Variants in ROBO1 observed in about 807,000 individuals in gnomAD.
ROBO1 encodes roundabout homolog 1.
A neutral mutation model predicts 195.9 loss-of-function variants in ROBO1; 149 were observed. The ratio of observed to expected loss-of-function variants is 0.76; its 90% CI spans 0.67 to 0.87. The LOEUF (loss-of-function observed/expected upper bound fraction) is 0.87, where lower values mean the gene tolerates loss of function less well. Ranked by LOEUF, ROBO1 falls within the 40% of genes least tolerant of loss-of-function variation. ROBO1 has a pLI of 0.00. For missense variants in ROBO1, 1,933 were observed against 2,068.3 expected (o/e 0.93, Z 1.27); for synonymous variants, 816 against 733.2 (o/e 1.11, Z -1.82).
chr3:79,657,207 C>T (rs2106795939), intron 1 of ROBO1, among the ~76,000 whole-genome samples: 1 of 152,184 alleles, frequency 6.6e-6, no homozygotes, highest in East Asian at 1.9e-4. Context: ...GCACTTCCCA[C>T]AGAAAATAAC....
At chr3:78,943,158 G>A (rs1017922332) in intron 3 of ROBO1, among the ~76,000 whole-genome samples, 1 of 151,972 alleles carries the variant, frequency 6.6e-6, no homozygotes, top group Non-Finnish European at 1.5e-5. Flanking sequence ...GGAGCTTACA[G>A]TGAGCCAAGA....
At chr3:79,231,611 G>A (rs2082322672) in intron 2 of ROBO1, among the ~76,000 whole-genome samples, 1 of 152,176 alleles carries the variant, frequency 6.6e-6, no homozygotes. Context: ...TACACTGTTG[G>A]TGGGAATGTA....
intron 4 of ROBO1, among the ~76,000 whole-genome samples, chr3:78,881,454 T>C (rs1398246807): frequency 6.6e-6 from 1 of 152,132 alleles, no homozygotes; most frequent in African/African-American, 2.4e-5. Context: ...AAGAAAACAA[T>C]AAAAATGCCA....
intron 2 of ROBO1, among the ~76,000 whole-genome samples, chr3:79,133,675 C>A (rs1232993811): frequency 3.2e-5 from 3 of 94,446 alleles, no homozygotes; most frequent in African/African-American, 1.3e-4. Flanking sequence ...AAGCCTTCTT[C>A]TCTCAGCTCG....
At chr3:79,482,665 T>C (rs902736523) in intron 2 of ROBO1, among the ~76,000 whole-genome samples, 1 of 152,166 alleles carries the variant, frequency 6.6e-6, no homozygotes, top group Non-Finnish European at 1.5e-5. Context: ...AAGGATCACT[T>C]ATAAAGAATC....
At chr3:78,979,814 TACACACACAAAC>T in intron 3 of ROBO1, among the ~76,000 whole-genome samples, 1 of 150,242 alleles carries the variant, frequency 6.7e-6, no homozygotes, top group East Asian at 2.0e-4. Flanking sequence ...AGAAAATGAA[TACACACACAAAC>T]ACACACACAC....
intron 4 of ROBO1, among the ~76,000 whole-genome samples, chr3:78,934,377 C>T (rs1317437693): frequency 6.6e-6 from 1 of 151,530 alleles, no homozygotes; most frequent in Non-Finnish European, 1.5e-5. Flanking sequence ...TCTTTGAATA[C>T]TGAAAATAAA....
chr3:79,432,373 T>C (rs1407077004), intron 2 of ROBO1, among the ~76,000 whole-genome samples: 1 of 152,118 alleles, frequency 6.6e-6, no homozygotes, highest in Non-Finnish European at 1.5e-5. Flanking sequence ...TGAGACAATT[T>C]GGTTAAAGGG....
chr3:79,683,448 T>C (rs930047268), intron 1 of ROBO1, among the ~76,000 whole-genome samples: 7 of 152,122 alleles, frequency 4.6e-5, no homozygotes, highest in East Asian at 1.9e-4. Context: ...TATTTCAAGA[T>C]ATACCTAACA....
chr3:79,557,358 C>A (rs1942739666), intron 2 of ROBO1, among the ~76,000 whole-genome samples: 1 of 151,980 alleles, frequency 6.6e-6, no homozygotes, highest in East Asian at 1.9e-4. Flanking sequence ...ATTAGTTTGA[C>A]TATCATCTTC....
chr3:79,748,512 T>C (rs1357761243), intron 1 of ROBO1, among the ~76,000 whole-genome samples: 4 of 152,210 alleles, frequency 2.6e-5, no homozygotes, highest in Non-Finnish European at 5.9e-5. Flanking sequence ...AATATTTTTA[T>C]TTGAAATAAG....
chr3:79,163,875 CCT>C (rs1406743449), intron 2 of ROBO1, among the ~76,000 whole-genome samples: 5 of 152,066 alleles, frequency 3.3e-5, no homozygotes, highest in East Asian at 1.9e-4. Context: ...TCCAGCATCC[CCT>C]GATTCTAAAT....
chr3:79,100,031 T>C (rs889519511), intron 3 of ROBO1, among the ~76,000 whole-genome samples: 6 of 151,734 alleles, frequency 4.0e-5, no homozygotes, highest in Non-Finnish European at 7.4e-5. Flanking sequence ...AGAAATACCA[T>C]GAAATTTAAA....
At chr3:78,945,265 C>T (rs1379030119) in intron 3 of ROBO1, among the ~76,000 whole-genome samples, 1 of 152,080 alleles carries the variant, frequency 6.6e-6, no homozygotes, top group Non-Finnish European at 1.5e-5. Flanking sequence ...TGGGAGGCAC[C>T]CCCCAGTAGG....
chr3:78,636,973 G>T (rs1259076160), intron 22 of ROBO1, among the ~76,000 whole-genome samples: 2 of 46,850 alleles, frequency 4.3e-5, no homozygotes, highest in Non-Finnish European at 9.2e-5. Flanking sequence ...ATATATATAT[G>T]GCCTGCAGTT....
chr3:79,193,888 C>T (rs1261809290), intron 2 of ROBO1, among the ~76,000 whole-genome samples: 1 of 151,338 alleles, frequency 6.6e-6, no homozygotes, highest in Non-Finnish European at 1.5e-5. Flanking sequence ...TTATAGAAAC[C>T]AAGAGAAAAG....
intron 4 of ROBO1, among the ~76,000 whole-genome samples, chr3:78,807,984 T>C (rs1381752872): frequency 6.6e-6 from 1 of 152,102 alleles, no homozygotes; most frequent in Non-Finnish European, 1.5e-5. Flanking sequence ...AGAAAAGCAA[T>C]AAATAATGAA....
At chr3:78,697,787 CAG>C (rs1166035242) in intron 8 of ROBO1, among the ~76,000 whole-genome samples, 4 of 152,076 alleles carry the variant, frequency 2.6e-5, no homozygotes, top group Non-Finnish European at 5.9e-5. Context: ...AATATAATGA[CAG>C]AAGATTGCTA....
chr3:79,503,533 C>A (rs576862911), intron 2 of ROBO1, among the ~76,000 whole-genome samples: 1 of 152,086 alleles, frequency 6.6e-6, no homozygotes, highest in Non-Finnish European at 1.5e-5. Context: ...TGTTGTGCAC[C>A]CTTGGGTAAG....
Sources: allele counts gnomAD v4.1 joint callset (sites outside exome capture counted in the v4.1 genomes callset), GRCh38; gene constraint gnomAD v4.1.1; transcripts MANE v1.5; gene names NCBI Gene and HGNC (gene_info 2026-07-23, HGNC 2026-07-21).